The following PPP2R2B variants were observed in gnomAD, a reference collection of about 807,000 sequenced individuals.
PPP2R2B encodes protein phosphatase 2 regulatory subunit Bbeta.
Under a neutral mutation model 46.0 loss-of-function variants are expected in PPP2R2B, and 5 were observed. The ratio of observed to expected loss-of-function variants is 0.11; its 90% confidence interval spans 0.06 to 0.23. The LOEUF (loss-of-function observed/expected upper bound fraction) is 0.23, where lower values mean the gene tolerates loss of function less well. Among genes scored for constraint, PPP2R2B ranks in the 10% least tolerant of loss-of-function variants. PPP2R2B has a pLI of 1.00. For synonymous variants in PPP2R2B, 215 were observed against 206.7 expected, an observed-to-expected ratio of 1.04 and a Z score of -0.34; for missense variants, 367 against 575.0, an observed-to-expected ratio of 0.64 and a Z score of 3.70.
chr5:146,895,928 C>A (rs77583420), intron 1 of PPP2R2B, among the ~76,000 whole-genome samples: 1 of 151,854 alleles, frequency 6.6e-6, no homozygotes, highest in Non-Finnish European at 1.5e-5. Flanking sequence ...CAGACCAGTC[C>A]GTGATTCTTC....
At chr5:147,013,191 C>A (rs925104975) in intron 1 of PPP2R2B, among the ~76,000 whole-genome samples, 2 of 127,830 alleles carry the variant, frequency 1.6e-5, no homozygotes, top group African/African-American at 5.2e-5. Context: ...TGTGAAGGAC[C>A]TCTTGAAGGA....
intron 1 of PPP2R2B, chr5:147,035,103 C>T (rs1454229604): frequency 3.5e-5 from 16 of 455,614 alleles, no homozygotes; most frequent in Middle Eastern, 3.2e-4. Context: ...TTCGTTCTCA[C>T]ACAGCTATTG....
chr5:146,642,083 A>G (rs1455878575), intron 6 of PPP2R2B, among the ~76,000 whole-genome samples: 1 of 152,186 alleles, frequency 6.6e-6, no homozygotes, highest in African/African-American at 2.4e-5. Context: ...TCTGCTAACA[A>G]AAGGGGTTAA....
intron 8 of PPP2R2B, among the ~76,000 whole-genome samples, chr5:146,594,329 C>T (rs1281042951): frequency 6.6e-6 from 1 of 152,164 alleles, no homozygotes; most frequent in Non-Finnish European, 1.5e-5. Context: ...CGTTGTTGGA[C>T]ATGTATGTCA....
At chr5:146,815,812 G>T (rs1414438297) in intron 2 of PPP2R2B, among the ~76,000 whole-genome samples, 1 of 152,214 alleles carries the variant, frequency 6.6e-6, no homozygotes, top group East Asian at 1.9e-4. Context: ...TAAGGATAGG[G>T]AAAGCAAGAT....
intron 2 of PPP2R2B, among the ~76,000 whole-genome samples, chr5:146,842,255 G>A (rs1759696656): frequency 6.6e-6 from 1 of 152,146 alleles, no homozygotes; most frequent in Admixed American, 6.6e-5. Flanking sequence ...TATATGGCCT[G>A]CTGTACATTT....
chr5:146,987,148 T>C (rs1753468542), intron 1 of PPP2R2B, among the ~76,000 whole-genome samples: 1 of 152,154 alleles, frequency 6.6e-6, no homozygotes, highest in Admixed American at 6.5e-5. Flanking sequence ...GAATACTATA[T>C]CTGGCAAAGC....
intron 2 of PPP2R2B, among the ~76,000 whole-genome samples, chr5:146,747,618 C>T (rs1388947453): frequency 6.6e-6 from 1 of 152,134 alleles, no homozygotes; most frequent in Non-Finnish European, 1.5e-5. Context: ...ACAAGCACTG[C>T]ATCAAAATCA....
upstream of PPP2R2B, among the ~76,000 whole-genome samples, chr5:147,057,178 C>A (rs900233990): frequency 6.6e-6 from 1 of 152,202 alleles, no homozygotes; most frequent in Non-Finnish European, 1.5e-5. Context: ...TCCATTCCCC[C>A]ACCAGTATGC....
At chr5:146,603,272 G>T (rs116726451) in intron 7 of PPP2R2B, among the ~76,000 whole-genome samples, 1 of 152,024 alleles carries the variant, frequency 6.6e-6, no homozygotes, top group Non-Finnish European at 1.5e-5. Context: ...CAGAACCTGC[G>T]GACTATTTGA....
intron 1 of PPP2R2B, among the ~76,000 whole-genome samples, chr5:146,887,766 C>T (rs1762376022): frequency 6.6e-6 from 1 of 152,132 alleles, no homozygotes; most frequent in South Asian, 2.1e-4. Context: ...GCCAAAAGGG[C>T]ACTTTCATAT....
intron 1 of PPP2R2B, among the ~76,000 whole-genome samples, chr5:147,051,161 G>T (rs1234554798): frequency 6.6e-6 from 1 of 152,178 alleles, no homozygotes; most frequent in Non-Finnish European, 1.5e-5. Context: ...TACTCAGAAG[G>T]AAATGTGCAG....
intron 1 of PPP2R2B, among the ~76,000 whole-genome samples, chr5:147,026,266 C>A (rs1755523408): frequency 6.6e-6 from 1 of 152,070 alleles, no homozygotes; most frequent in African/African-American, 2.4e-5. Context: ...TATATCCATA[C>A]AATGGGACAC....
At chr5:146,727,274 A>G (rs1018225640) in intron 2 of PPP2R2B, among the ~76,000 whole-genome samples, 11 of 151,378 alleles carry the variant, frequency 7.3e-5, no homozygotes. Flanking sequence ...GATGTGGATG[A>G]AGTCTTAAAG....
chr5:147,040,927 T>C (rs1175027209), intron 1 of PPP2R2B: 2 of 376,472 alleles, frequency 5.3e-6, no homozygotes, highest in Non-Finnish European at 1.0e-5. Flanking sequence ...GCCTGCCAAG[T>C]GAAAGGTAGT....
Position 146,926,129 on chromosome 5 carries a change from T to G in PPP2R2B, c.79+129536A>C, listed in dbSNP as rs946683062. On this transcript the variant is annotated intron_variant, in intron 1 of 8. Transcript: ENST00000336640. ...CCTTGAAATTTTTGTCCACGAATATTTGGTAACACAGAGTTTCTATTAACT... is the reference window on the plus strand; with the variant it reads ...CCTTGAAATTTTTGTCCACGAATATGTGGTAACACAGAGTTTCTATTAACT... Among the ~76,000 whole-genome samples, 4 of 152,170 alleles carry G rather than the reference T, an allele frequency of 2.6e-5. 1 individual carries two copies. Among genetic ancestry groups the G allele is most frequent in the African/African-American group, 9.7e-5 (4 of 41,450 alleles).
chr5:146,919,608 C>T (rs1156777603), intron 1 of PPP2R2B: 1 of 152,218 alleles, frequency 6.6e-6, no homozygotes, highest in Non-Finnish European at 1.5e-5. Context: ...TTCTCCCATA[C>T]CAGCGCCCAC....
intron 2 of PPP2R2B, among the ~76,000 whole-genome samples, chr5:147,079,822 G>A (rs1354517146): frequency 1.3e-5 from 2 of 151,998 alleles, no homozygotes; most frequent in Admixed American, 1.3e-4. Context: ...AAAACAGCTA[G>A]GAGAGAGGAT....
chr5:146,918,851 G>T (rs1763490507), intron 1 of PPP2R2B, among the ~76,000 whole-genome samples: 1 of 151,744 alleles, frequency 6.6e-6, no homozygotes, highest in African/African-American at 2.4e-5. Flanking sequence ...TGCTTCCAAG[G>T]TTAAAAAAGA....
Sources: allele counts gnomAD v4.1 joint callset (sites outside exome capture counted in the v4.1 genomes callset), GRCh38; gene constraint gnomAD v4.1.1; transcripts MANE v1.5; gene names NCBI Gene and HGNC (gene_info 2026-07-23, HGNC 2026-07-21).